The following THADA variants were observed in gnomAD, a reference collection of about 807,000 sequenced individuals.
THADA encodes the protein tRNA (32-2'-O)-methyltransferase regulator THADA.
In THADA, 213 loss-of-function variants were observed where a neutral mutation model predicts 219.8. The ratio of observed to expected loss-of-function variants is 0.97; its 90% CI spans 0.87 to 1.09. THADA has a LOEUF of 1.09. Among genes scored for constraint, THADA ranks in the 50% least tolerant of loss-of-function variants. The pLI, the probability that THADA is intolerant of heterozygous loss-of-function variation, is 0.00. For synonymous variants in THADA, 1,018 were observed against 828.9 expected (o/e 1.23, Z -3.92); for missense variants, 2,956 against 2,311.3 (o/e 1.28, Z -5.72).
intron 25 of THADA, among the ~76,000 whole-genome samples, chr2:43,491,369 G>A (rs1260749550): frequency 3.3e-5 from 5 of 152,124 alleles, no homozygotes; most frequent in African/African-American, 7.2e-5. Flanking sequence ...AAAAGTAACC[G>A]CAGTTATTGC....
At chr2:43,376,330 T>C (rs1421478412) in intron 29 of THADA, among the ~76,000 whole-genome samples, 2 of 152,208 alleles carry the variant, frequency 1.3e-5, no homozygotes, top group Non-Finnish European at 2.9e-5. Context: ...GAGAACCATC[T>C]GCTCTTCAAA....
intron 36 of THADA, among the ~76,000 whole-genome samples, chr2:43,261,143 G>T: frequency 7.3e-6 from 1 of 136,058 alleles, no homozygotes; most frequent in African/African-American, 2.8e-5. Flanking sequence ...TCTTAAATTT[G>T]TTTGCCTAAT....
intron 25 of THADA, among the ~76,000 whole-genome samples, chr2:43,487,603 T>C (rs953244562): frequency 6.6e-6 from 1 of 152,198 alleles, no homozygotes. Context: ...AAAATTCACA[T>C]GTTGAAATTC....
chr2:43,389,505 C>A (rs1252877997), intron 29 of THADA, among the ~76,000 whole-genome samples: 2 of 152,132 alleles, frequency 1.3e-5, no homozygotes, highest in East Asian at 3.8e-4. Flanking sequence ...AGAAATAACA[C>A]ACTAACGTAT....
rs139709358 is a variant in THADA at position 43,456,171 on chromosome 2, G to T, written c.3837-25869C>A. Among the ~76,000 whole-genome samples, 410 of 152,232 alleles carry T rather than the reference G, an allele frequency of 2.7e-3. 2 individuals are homozygous for T. Among genetic ancestry groups the T allele is most frequent in the Middle Eastern group, 0.01 (3 of 294 alleles). On this transcript the variant is annotated intron_variant, in intron 26 of 37. Transcript: ENST00000405975. ...TTAAAAATGTGCAAAACTCATCATTGTTAAGGCAAATACTCATCTAAATTA... is the reference window on the plus strand; with the variant it reads ...TTAAAAATGTGCAAAACTCATCATTTTTAAGGCAAATACTCATCTAAATTA...
At chr2:43,397,892 T>G in intron 29 of THADA, 79 bp downstream of exon 29, 1 of 1,459,524 alleles carries the variant, frequency 6.9e-7, no homozygotes, top group Non-Finnish European at 9.4e-7. Flanking sequence ...TATCAAATCT[T>G]CACCAGCTAA....
Position 43,413,944 on chromosome 2 carries a change from T to A in THADA, c.4058+14156A>T, listed in dbSNP as rs958797568. ...ACCCGTGAGATGCTCACGTCCCTTA[T>A]GTAAAGTATGCACAGTATTTGCATA... is the stretch of plus-strand genomic sequence containing the variant. On this transcript the variant is annotated intron_variant, in intron 28 of 37. Transcript: ENST00000405975. Among the ~76,000 whole-genome samples, 3 of 152,316 alleles carry A rather than the reference T, an allele frequency of 2.0e-5. No homozygotes were observed. The South Asian group carries it at 6.2e-4, about 32-fold the overall frequency.
rs1164206420 is a variant in THADA at position 43,566,783 on chromosome 2, T to G, written c.2226A>C (p.Ala742=). 4.6e-6 allele frequency: 7 copies of G among 1,531,096 alleles called. No homozygotes were observed. The highest frequency in any genetic ancestry group is 3.5e-4 in the Middle Eastern group (2 of 5,732). 94.8% of individuals were successfully genotyped at this position (1,531,096 alleles called of 1,614,324 possible). The change falls in exon 15 of 38, where the codon GCA becomes GCC. Residue 742 remains alanine (A), a synonymous_variant. Coordinates refer to ENST00000405975, the MANE Select transcript of THADA (RefSeq NM_022065.5). ...MSSICNSLFE[A]LFPGSSYSTR... ...TCGAGTAGGAAGATCCAGGAAACAATGCTTCAAAAAGACTGTTACAAATGG... is the reference window on the plus strand; with the variant it reads ...TCGAGTAGGAAGATCCAGGAAACAAGGCTTCAAAAAGACTGTTACAAATGG...
chr2:43,448,309 C>T (rs1681841975), intron 26 of THADA, among the ~76,000 whole-genome samples: 2 of 152,316 alleles, frequency 1.3e-5, no homozygotes, highest in South Asian at 4.1e-4. Flanking sequence ...GCTAACCAAT[C>T]CCTAGCCTCA....
rs1409378092 is a variant in THADA at position 43,527,898 on chromosome 2, G to A, written c.3355C>T (p.Leu1119Phe). The A allele has an allele frequency of 1.4e-5, 23 of 1,612,468 alleles. No homozygotes were observed. The highest frequency in any genetic ancestry group is 1.9e-5 in the Non-Finnish European group (22 of 1,178,958). ...FELAYTGFVK[L>F]TEVLNRCPNV... ...TTTTACCTGTTTAGTACTTCAGTGA[G>A]TTTCACAAAACCAGTATAAGCCAAT... The change falls in exon 22 of 38, where the codon CTC becomes TTC. Residue 1119 changes from leucine (L) to phenylalanine (F), a missense_variant. Coordinates refer to ENST00000405975, the MANE Select transcript of THADA (RefSeq NM_022065.5).
chr2:43,297,341 G>A (rs1421739004), intron 31 of THADA, among the ~76,000 whole-genome samples: 35 of 95,508 alleles, frequency 3.7e-4, no homozygotes, highest in Non-Finnish European at 4.7e-4. Flanking sequence ...CCCTCCGCCC[G>A]GCAGCTGCCC....
chr2:43,422,336 C>G (rs1030078049), intron 28 of THADA, among the ~76,000 whole-genome samples: 9 of 152,190 alleles, frequency 5.9e-5, no homozygotes, highest in African/African-American at 2.2e-4. Context: ...TAAGTCTTCT[C>G]CAGTCTAACT....
At chr2:43,353,335 C>T (rs943152481) in intron 29 of THADA, among the ~76,000 whole-genome samples, 7 of 145,828 alleles carry the variant, frequency 4.8e-5, no homozygotes, top group African/African-American at 7.5e-5. Context: ...CCCTCACCAA[C>T]GCTTATCTCT....
chr2:43,587,044 G>C (rs1185115969), intron 4 of THADA, 42 bp from the exon 5 acceptor site: 2 of 1,573,468 alleles, frequency 1.3e-6, no homozygotes, highest in East Asian at 4.5e-5. Context: ...CAATCTAATA[G>C]CCCCAGAATA....
rs192088688 is a variant in THADA at position 43,310,347 on chromosome 2, G to A, written c.4438+10099C>T. ...ACACATCCTGATTTCAAGTTACTATGAAGTAATGATAATCAAGACAGTGTG... is the reference window on the plus strand; with the variant it reads ...ACACATCCTGATTTCAAGTTACTATAAAGTAATGATAATCAAGACAGTGTG... On this transcript the variant is annotated intron_variant, in intron 31 of 37. Coordinates refer to ENST00000405975, the MANE Select transcript of THADA (RefSeq NM_022065.5). 1.3e-3 allele frequency among the ~76,000 whole-genome samples: 194 copies of A among 151,894 alleles called. 6 individuals are homozygous for A. The Middle Eastern group carries it at 0.024, about 19-fold the overall frequency.
intron 22 of THADA, among the ~76,000 whole-genome samples, chr2:43,517,016 T>C (rs1302777368): frequency 1.3e-5 from 2 of 152,172 alleles, no homozygotes; most frequent in Non-Finnish European, 1.5e-5. Context: ...ACTTTTCAGA[T>C]TGATTTCATT....
intron 31 of THADA, among the ~76,000 whole-genome samples, chr2:43,318,657 C>T (rs1678350046): frequency 6.6e-6 from 1 of 152,124 alleles, no homozygotes; most frequent in Non-Finnish European, 1.5e-5. Flanking sequence ...GCATCCTGTC[C>T]TCACATCTTA....
At chr2:43,308,020 A>AAC in intron 31 of THADA, among the ~76,000 whole-genome samples, 1 of 150,336 alleles carries the variant, frequency 6.7e-6, no homozygotes, top group Non-Finnish European at 1.5e-5. Context: ...TCTAGAGATG[A>AAC]ACAATACAGT....
At chr2:43,473,441 C>G (rs1685150422) in intron 26 of THADA, among the ~76,000 whole-genome samples, 1 of 152,092 alleles carries the variant, frequency 6.6e-6, no homozygotes, top group East Asian at 1.9e-4. Context: ...ACGACACCCT[C>G]TTCTGGATAC....
Sources: allele counts gnomAD v4.1 joint callset (sites outside exome capture counted in the v4.1 genomes callset), GRCh38; gene constraint gnomAD v4.1.1; transcripts MANE v1.5; gene names NCBI Gene and HGNC (gene_info 2026-07-23, HGNC 2026-07-21).